DDX19B: variants seen among roughly 807,000 people sequenced by gnomAD.
DDX19B encodes DEAD-box helicase 19B.
Under a neutral mutation model 58.1 loss-of-function variants are expected in DDX19B, and 27 were observed. That is an observed-to-expected ratio of 0.46 (90% CI 0.34 to 0.64). DDX19B has a LOEUF of 0.64. Ranked by LOEUF, DDX19B falls within the 30% of genes least tolerant of loss-of-function variation. DDX19B has a pLI of 0.01. For synonymous variants in DDX19B, 187 were observed against 214.4 expected (o/e 0.87, Z 1.12); for missense variants, 399 against 596.5 (o/e 0.67, Z 3.45).
intron 6 of DDX19B, among the ~76,000 whole-genome samples, chr16:70,325,271 G>C (rs1963082189): frequency 6.6e-6 from 1 of 152,172 alleles, no homozygotes; most frequent in Non-Finnish European, 1.5e-5. Context: ...AAAGTTCTGA[G>C]AGCTTTCTGA....
upstream of DDX19B, among the ~76,000 whole-genome samples, chr16:70,291,585 A>AG (rs1961062379): frequency 6.6e-6 from 1 of 151,890 alleles, no homozygotes; most frequent in South Asian, 2.1e-4. Context: ...CTAGGCAGGC[A>AG]GATCATGAGG....
At chr16:70,328,296 T>C (rs888594847) in intron 7 of DDX19B, among the ~76,000 whole-genome samples, 6 of 152,050 alleles carry the variant, frequency 3.9e-5, no homozygotes, top group African/African-American at 1.4e-4. Context: ...GTGAAACTTA[T>C]TGGGAGATAA....
At chr16:70,299,996 A>C (rs753172446) in intron 1 of DDX19B, among the ~76,000 whole-genome samples, 7 of 152,156 alleles carry the variant, frequency 4.6e-5, no homozygotes, top group Admixed American at 1.3e-4. Flanking sequence ...TACTGCGTAG[A>C]ATTAATTTCT....
intron 1 of DDX19B, among the ~76,000 whole-genome samples, chr16:70,300,050 C>T (rs566462453): frequency 2.0e-5 from 3 of 152,246 alleles, no homozygotes; most frequent in African/African-American, 7.2e-5. Context: ...GAACCTACTT[C>T]TGTTAGTACT....
At chr16:70,296,458 T>G (rs79482787), upstream of DDX19B, among the ~76,000 whole-genome samples, 2,727 of 152,168 alleles carry the variant, frequency 0.018, 68 homozygotes, top group African/African-American at 0.061. Context: ...TTCCATAGTG[T>G]ATAAAAGCAT....
upstream of DDX19B, among the ~76,000 whole-genome samples, chr16:70,296,538 G>T (rs1961231042): frequency 6.6e-6 from 1 of 151,966 alleles, no homozygotes; most frequent in African/African-American, 2.4e-5. Context: ...TACTATATAC[G>T]GTCCTGCAAC....
chr16:70,317,322 A>C, intron 4 of DDX19B, 174 bp from the exon 5 acceptor site: 1 of 415,844 alleles, frequency 2.4e-6, no homozygotes, highest in East Asian at 3.9e-5. Flanking sequence ...TGGATGTTGC[A>C]GTGAGCCGAG....
At chr16:70,328,025 A>G (rs1197230291) in intron 7 of DDX19B, among the ~76,000 whole-genome samples, 1 of 151,398 alleles carries the variant, frequency 6.6e-6, no homozygotes, top group African/African-American at 2.4e-5. Context: ...ATGGTGGTGC[A>G]CACCTGTAAT....
intron 7 of DDX19B, 26 bp from the exon 8 acceptor site, chr16:70,329,266 T>C: frequency 6.3e-7 from 1 of 1,581,074 alleles, no homozygotes; most frequent in Non-Finnish European, 8.6e-7. Flanking sequence ...TACCCACACA[T>C]GGAAAACATC....
chr16:70,327,426 A>T (rs201475680), intron 7 of DDX19B, among the ~76,000 whole-genome samples: 1 of 152,072 alleles, frequency 6.6e-6, no homozygotes, highest in African/African-American at 2.4e-5. Flanking sequence ...CCAGCTACTC[A>T]GGAGGCTGAG....
intron 10 of DDX19B, 45 bp from the exon 11 acceptor site, chr16:70,332,923 C>A: frequency 6.2e-7 from 1 of 1,614,138 alleles, no homozygotes; most frequent in Non-Finnish European, 8.5e-7. Flanking sequence ...GACTGATTTG[C>A]CTCCTGTCCT....
intron 7 of DDX19B, among the ~76,000 whole-genome samples, chr16:70,325,953 AAC>A (rs1363307089): frequency 6.6e-6 from 1 of 152,202 alleles, no homozygotes; most frequent in Non-Finnish European, 1.5e-5. Flanking sequence ...CAGGAAAATT[AAC>A]AGATTTCCTA....
chr16:70,330,099 C>T, intron 9 of DDX19B, 31 bp downstream of exon 9: 1 of 1,612,338 alleles, frequency 6.2e-7, no homozygotes, highest in East Asian at 2.2e-5. Flanking sequence ...CAGGCCTGGC[C>T]CTTCCCTCTC....
At chr16:70,294,086 T>A (rs1961131633), upstream of DDX19B, among the ~76,000 whole-genome samples, 1 of 134,136 alleles carries the variant, frequency 7.5e-6, no homozygotes, top group African/African-American at 2.9e-5. Flanking sequence ...TTTTTTTTTT[T>A]TTTTTTTTTT....
intron 1 of DDX19B, among the ~76,000 whole-genome samples, chr16:70,310,361 C>CA (rs1962017689): frequency 6.7e-6 from 1 of 149,566 alleles, no homozygotes; most frequent in Non-Finnish European, 1.5e-5. Flanking sequence ...ATCCTGGCAA[C>CA]AGAGCAAGAC....
upstream of DDX19B, among the ~76,000 whole-genome samples, chr16:70,295,284 TAA>T (rs1008833746): frequency 1.3e-5 from 2 of 152,080 alleles, no homozygotes; most frequent in Non-Finnish European, 1.5e-5. Context: ...ATGCTATTTT[TAA>T]GTTTTTTTGT....
chr16:70,300,269 G>A (rs62049427), intron 1 of DDX19B, among the ~76,000 whole-genome samples: 5,594 of 151,840 alleles, frequency 0.037, 152 homozygotes, highest in Non-Finnish European at 0.059. Context: ...GCAGTGGAGT[G>A]ATCTTGGCTC....
chr16:70,331,279 C>T (rs117646057), intron 9 of DDX19B, among the ~76,000 whole-genome samples: 5,553 of 151,964 alleles, frequency 0.037, 320 homozygotes, highest in East Asian at 0.23. Flanking sequence ...AACTCCTGGC[C>T]TCAAGCAATC....
At chr16:70,330,920 C>T (rs1963450481) in intron 9 of DDX19B, among the ~76,000 whole-genome samples, 2 of 151,978 alleles carry the variant, frequency 1.3e-5, no homozygotes, top group Admixed American at 1.3e-4. Context: ...TGGTGCATGC[C>T]TGTGGTCCCA....
Sources: gnomAD v4.1 joint callset for allele counts (sites outside exome capture counted in the v4.1 genomes callset) on GRCh38, gnomAD v4.1.1 for gene constraint, MANE v1.5 for transcripts, NCBI Gene and HGNC (gene_info 2026-07-23, HGNC 2026-07-21) for gene names.